The following COG5 variants were observed in gnomAD, a reference collection of about 807,000 sequenced individuals.
COG5 encodes conserved oligomeric Golgi complex subunit 5.
In COG5, 86 loss-of-function variants were observed where a neutral mutation model predicts 110.4. The observed-to-expected ratio is 0.78, with a 90% CI of 0.65 to 0.93. COG5 has a LOEUF of 0.93. Among genes scored for constraint, COG5 ranks in the 40% least tolerant of loss-of-function variants. COG5 has a pLI of 0.00. For missense variants in COG5, 1,077 were observed against 987.0 expected (o/e 1.09, Z -1.22); for synonymous variants, 360 against 334.6 (o/e 1.08, Z -0.83).
In COG5 at chr7:107,281,385, G is replaced by C; in HGVS notation, c.1490C>G (p.Ala497Gly). ...TAATGTGAGGTTTGTATCAACAGCA[G>C]CAACATTTAGTTCACTGGAGAAAAT... ...IKTIASELNV[A>G]AVDTNLTLAV... Residue 497 changes from alanine to glycine, a missense_variant, in exon 14 of 22, where the codon GCT becomes GGT. Physicochemically the swap from Ala to Gly is moderately conservative, Grantham distance 60 (BLOSUM62 0). Coordinates refer to ENST00000297135, the MANE Select transcript of COG5 (RefSeq NM_006348.5). 6.2e-7 allele frequency: 1 copy of C among 1,612,640 alleles called. No homozygotes were observed. Among genetic ancestry groups the C allele is most frequent in the South Asian group, 1.1e-5 (1 of 91,046 alleles).
At chr7:107,210,774 C>G (rs1799105010) in intron 20 of COG5, among the ~76,000 whole-genome samples, 169 bp from the exon 21 acceptor site, 2 of 152,188 alleles carry the variant, frequency 1.3e-5, no homozygotes, top group African/African-American at 2.4e-5. Flanking sequence ...TCCTGACTAC[C>G]AAGGAGCCTT....
chr7:107,517,737 G>A (rs928486450), intron 6 of COG5, among the ~76,000 whole-genome samples: 32 of 149,254 alleles, frequency 2.1e-4, no homozygotes, highest in African/African-American at 4.7e-4. Flanking sequence ...TCACTCTGTC[G>A]CCCAGGCTGC....
intron 19 of COG5, among the ~76,000 whole-genome samples, chr7:107,224,702 A>T (rs1800194798): frequency 1.3e-5 from 2 of 152,262 alleles, no homozygotes; most frequent in Non-Finnish European, 2.9e-5. Context: ...AGCTGAGGTA[A>T]CAACCTCACA....
At chr7:107,304,377 A>G (rs376640522) in intron 11 of COG5, among the ~76,000 whole-genome samples, 6 of 152,304 alleles carry the variant, frequency 3.9e-5, no homozygotes, top group African/African-American at 1.4e-4. Context: ...CCCCTTTAAA[A>G]TGTGAGTTAA....
intron 6 of COG5, among the ~76,000 whole-genome samples, chr7:107,473,782 C>G (rs1796794921): frequency 6.6e-6 from 1 of 151,778 alleles, no homozygotes; most frequent in Non-Finnish European, 1.5e-5. Context: ...TGAGAAAAGC[C>G]CTTTAGCATA....
chr7:107,343,079 C>G (rs555567425), intron 10 of COG5, among the ~76,000 whole-genome samples: 1 of 152,134 alleles, frequency 6.6e-6, no homozygotes, highest in Admixed American at 6.5e-5. Context: ...AACATGGATA[C>G]AGCTGAAGGC....
At chr7:107,370,083 TTATTTA>T (rs938188148) in intron 8 of COG5, among the ~76,000 whole-genome samples, 3 of 152,098 alleles carry the variant, frequency 2.0e-5, no homozygotes, top group Non-Finnish European at 4.4e-5. Flanking sequence ...TAAAATTGTA[TTATTTA>T]TATTTATATA....
intron 14 of COG5, among the ~76,000 whole-genome samples, chr7:107,277,823 A>G (rs1174058554): frequency 2.0e-5 from 3 of 152,214 alleles, no homozygotes; most frequent in South Asian, 2.1e-4. Context: ...TTAGGTTTGT[A>G]TAACACATAC....
At chr7:107,230,915 T>TA (rs60826700) in intron 18 of COG5, among the ~76,000 whole-genome samples, 22 of 150,540 alleles carry the variant, frequency 1.5e-4, no homozygotes, top group Non-Finnish European at 2.2e-4. Context: ...TTCATGAAAA[T>TA]AAAAAAAAAA....
chr7:107,468,473 G>T (rs1421686008), intron 6 of COG5, among the ~76,000 whole-genome samples: 1 of 151,658 alleles, frequency 6.6e-6, no homozygotes, highest in Non-Finnish European at 1.5e-5. Flanking sequence ...TTTATAAATG[G>T]CTGGCATTCT....
chr7:107,256,843 G>T lies in COG5; in HGVS notation c.1687-49C>A, dbSNP rs1162274286. ...TATAGTTTCGCTTAAGTCTATTTCT[G>T]TAAATACTAATTTTGATCATAGCAT... On this transcript the variant is annotated intron_variant, in intron 15 of 21. Coordinates refer to ENST00000297135, the MANE Select transcript of COG5 (RefSeq NM_006348.5). 3 of 1,305,360 alleles carry T rather than the reference G, an allele frequency of 2.3e-6. No homozygotes were observed. In the African/African-American group the frequency reaches 4.3e-5, roughly 19 times the overall value. 80.9% of individuals were successfully genotyped at this position (1,305,360 alleles called of 1,614,324 possible). A position where few individuals can be genotyped will look rare whatever the true frequency, so the allele number is the denominator to read the frequency against.
intron 17 of COG5, among the ~76,000 whole-genome samples, chr7:107,240,433 C>T (rs1172298101): frequency 1.3e-5 from 2 of 152,188 alleles, no homozygotes; most frequent in African/African-American, 4.8e-5. Flanking sequence ...CCAGGCTGGT[C>T]TCAAACTCCT....
intron 11 of COG5, among the ~76,000 whole-genome samples, chr7:107,299,635 T>C (rs565296565): frequency 2.0e-5 from 3 of 151,678 alleles, no homozygotes; most frequent in African/African-American, 7.3e-5. Flanking sequence ...CAATTCCCAA[T>C]TCATTCTGAG....
chr7:107,266,550 G>A (rs1803817479), intron 14 of COG5, among the ~76,000 whole-genome samples: 1 of 152,114 alleles, frequency 6.6e-6, no homozygotes, highest in Non-Finnish European at 1.5e-5. Flanking sequence ...GATATTTGGT[G>A]TTTCCTATTC....
chr7:107,455,119 G>A (rs571859451), intron 6 of COG5, among the ~76,000 whole-genome samples: 20 of 152,296 alleles, frequency 1.3e-4, no homozygotes, highest in South Asian at 1.0e-3. Flanking sequence ...ATAAGCTGTC[G>A]TGGTGGATGG....
At chr7:107,224,841 T>C (rs1480607569) in intron 19 of COG5, among the ~76,000 whole-genome samples, 1 of 152,226 alleles carries the variant, frequency 6.6e-6, no homozygotes, top group Non-Finnish European at 1.5e-5. Flanking sequence ...TCAAAAGCTT[T>C]CAGAGGCAGC....
rs957614503 is a variant in COG5 at position 107,446,870 on chromosome 7, T to C, written c.539-34238A>G. ...CCCACCCCTTTGCATTAGTTAACTA[T>C]TGCTGCCATGACAAATTACAACAAA... On this transcript the variant is annotated intron_variant, in intron 6 of 21. Transcript: ENST00000297135. 7.9e-5 allele frequency among the ~76,000 whole-genome samples: 12 copies of C among 152,314 alleles called. No homozygotes were observed. In the South Asian group the frequency reaches 2.5e-3, roughly 32 times the overall value.
rs541747061 is a variant in COG5, at chr7:107,417,474, G to A, written c.539-4842C>T. Among the ~76,000 whole-genome samples the A allele has an allele frequency of 3.9e-5, 6 of 152,098 alleles. No homozygotes were observed. The East Asian group carries it at 1.2e-3, about 29-fold the overall frequency. ...ATGACCAAAATTTACTTAACCTTCA[G>A]TTTAAGATGGAATATTTGTTATCAT... is the stretch of plus-strand genomic sequence containing the variant. On this transcript the variant is annotated intron_variant, in intron 6 of 21. Transcript: ENST00000297135.
At chr7:107,550,165 A>G (rs1802786484) in intron 3 of COG5, among the ~76,000 whole-genome samples, 1 of 152,158 alleles carries the variant, frequency 6.6e-6, no homozygotes. Context: ...CTAAAATCCT[A>G]GGAATAACTC....
Sources: allele counts gnomAD v4.1 joint callset (sites outside exome capture counted in the v4.1 genomes callset), GRCh38; gene constraint gnomAD v4.1.1; transcripts MANE v1.5; gene names NCBI Gene and HGNC (gene_info 2026-07-23, HGNC 2026-07-21).